RAPGEF6: variants seen among roughly 807,000 people sequenced by gnomAD.
The protein encoded by RAPGEF6 is Rap guanine nucleotide exchange factor 6.
A neutral mutation model predicts 171.4 loss-of-function variants in RAPGEF6; 56 were observed. The observed-to-expected ratio is 0.33, with a 90% CI of 0.26 to 0.41. The LOEUF (loss-of-function observed/expected upper bound fraction) is 0.41, where lower values mean the gene tolerates loss of function less well. Ranked by LOEUF, RAPGEF6 falls within the 10% of genes least tolerant of loss-of-function variation. The pLI is 1.00. For synonymous variants in RAPGEF6, 692 were observed against 650.1 expected (o/e 1.06, Z -0.98); for missense variants, 1,674 against 1,921.4 (o/e 0.87, Z 2.41).
rs2149909014 is a variant in RAPGEF6, at chr5:131,521,463, T to C, written c.554A>G (p.His185Arg). 6.2e-7 allele frequency: 1 copy of C among 1,612,660 alleles called. No individual in the cohort carries two copies. The highest frequency in any genetic ancestry group is 8.5e-7 in the Non-Finnish European group (1 of 1,179,098). Reference protein sequence around the residue: ...LTENPHPQVTHVSSSQSGCSI... With the variant: ...LTENPHPQVTRVSSSQSGCSI... The stretch of plus-strand genomic sequence containing the variant: ...ACAACCAGACTGACTAGAAGACACA[T>C]GAGTCACCTGTGGATGAGGGTTTTC... The change falls in exon 7 of 28, where the codon CAT becomes CGT. Residue 185 changes from histidine to arginine, a missense_variant. This residue lies in a region of RAPGEF6 where 1,116 missense variants were observed against 1,321.5 expected (regional missense o/e 0.84). Coordinates refer to ENST00000509018, the MANE Select transcript of RAPGEF6 (RefSeq NM_016340.6).
chr5:131,617,523 G>C (rs1441752084), intron 1 of RAPGEF6, among the ~76,000 whole-genome samples: 18 of 152,274 alleles, frequency 1.2e-4, no homozygotes, highest in Non-Finnish European at 2.9e-5. Flanking sequence ...TACGATCTCA[G>C]CCCACTGCAA....
intron 12 of RAPGEF6, among the ~76,000 whole-genome samples, chr5:131,498,075 A>G (rs948904652): frequency 1.3e-5 from 2 of 152,238 alleles, no homozygotes; most frequent in Non-Finnish European, 2.9e-5. Flanking sequence ...CCTCTTAAAA[A>G]AATGTATTTG....
intron 6 of RAPGEF6, among the ~76,000 whole-genome samples, chr5:131,523,852 A>C (rs1261793902): frequency 6.6e-6 from 1 of 152,160 alleles, no homozygotes; most frequent in Non-Finnish European, 1.5e-5. Flanking sequence ...ATACCTATGC[A>C]CACCAGGGTA....
intron 1 of RAPGEF6, among the ~76,000 whole-genome samples, chr5:131,632,787 T>C (rs1766394138): frequency 6.6e-6 from 1 of 152,226 alleles, no homozygotes; most frequent in Non-Finnish European, 1.5e-5. Flanking sequence ...AAATCATCAC[T>C]AGGATTCAGA....
Position 131,442,339 on chromosome 5 carries a change from G to A in RAPGEF6, c.3610+10C>T. 1 of 1,602,774 alleles carries A rather than the reference G, an allele frequency of 6.2e-7. No homozygotes were observed. Among genetic ancestry groups the A allele is most frequent in the Non-Finnish European group, 8.5e-7 (1 of 1,174,062 alleles). ...GGTAAACGGATGTAATATTAATGGT[G>A]AATACTCACTCAGTGCAGGGTCTTT... On this transcript the variant is annotated intron_variant, in intron 23 of 27. Transcript: ENST00000509018.
intron 25 of RAPGEF6, among the ~76,000 whole-genome samples, chr5:131,432,627 A>C (rs555488911): frequency 1.9e-4 from 28 of 150,868 alleles, no homozygotes; most frequent in Middle Eastern, 3.4e-3. Context: ...TCACAGAGCG[A>C]GACTCCGCCT....
chr5:131,510,955 A>C (rs1406752445), intron 7 of RAPGEF6, among the ~76,000 whole-genome samples: 1 of 152,178 alleles, frequency 6.6e-6, no homozygotes, highest in East Asian at 1.9e-4. Context: ...TAATCATATA[A>C]ATTAAGAACA....
At chr5:131,479,922 CTTCT>C (rs1755356468) in intron 15 of RAPGEF6, among the ~76,000 whole-genome samples, 169 bp from the exon 16 acceptor site, 1 of 152,080 alleles carries the variant, frequency 6.6e-6, no homozygotes, top group South Asian at 2.1e-4. Context: ...GCTATATCTT[CTTCT>C]TTCTTTAGTT....
At chr5:131,457,441 G>C (rs1054266427) in intron 19 of RAPGEF6, among the ~76,000 whole-genome samples, 1 of 152,140 alleles carries the variant, frequency 6.6e-6, no homozygotes, top group Admixed American at 6.5e-5. Flanking sequence ...AGGAGAGAAG[G>C]GAGACACTCT....
In RAPGEF6 at chr5:131,510,377, C is replaced by T. The variant is rs1395824800; in HGVS notation, c.742G>A (p.Gly248Arg). ...EEIDRTDPLQ[G>R]RDLVRECLEK... Reference sequence around the variant, plus strand: ...AGACATTCTCGAACAAGATCTCGCCCCTGCAATGGATCTGTTCGATCAATC... The same window carrying T: ...AGACATTCTCGAACAAGATCTCGCCTCTGCAATGGATCTGTTCGATCAATC... The change falls in exon 8 of 28, where the codon GGG becomes AGG. Residue 248 changes from glycine (G) to arginine (R), a missense_variant. Physicochemically the swap from Gly to Arg is moderately radical, Grantham distance 125 (BLOSUM62 -2). Coordinates refer to ENST00000509018, the MANE Select transcript of RAPGEF6 (RefSeq NM_016340.6). 1.9e-6 allele frequency: 3 copies of T among 1,613,948 alleles called. No homozygotes were observed. Among genetic ancestry groups the T allele is most frequent in the Non-Finnish European group, 2.5e-6 (3 of 1,180,026 alleles).
chr5:131,498,486 A>C lies in RAPGEF6; in HGVS notation c.1376T>G (p.Ile459Ser). 6.2e-7 allele frequency: 1 copy of C among 1,613,782 alleles called. No homozygotes were observed. The highest frequency in any genetic ancestry group is 8.5e-7 in the Non-Finnish European group (1 of 1,179,906). Reference protein sequence around the residue: ...TFLESPLDVGIKLLEWFKIDS... With the variant: ...TFLESPLDVGSKLLEWFKIDS... The stretch of plus-strand genomic sequence containing the variant: ...GATCTTAAACCATTCCAATAGTTTG[A>C]TCCCAACATCCAAAGGACTTTCAAG... Residue 459 changes from isoleucine to serine, a missense_variant, in exon 12 of 28, where the codon ATC (isoleucine) becomes AGC (serine). Physicochemically the swap from Ile to Ser is moderately radical, Grantham distance 142. Coordinates refer to ENST00000509018, the MANE Select transcript of RAPGEF6 (RefSeq NM_016340.6).
intron 4 of RAPGEF6, among the ~76,000 whole-genome samples, chr5:131,572,438 T>C (rs1762361093): frequency 1.3e-5 from 2 of 152,194 alleles, no homozygotes; most frequent in African/African-American, 4.8e-5. Context: ...AGACACACTT[T>C]ATCTGAGCAT....
At chr5:131,431,380 G>C (rs1461311060) in intron 25 of RAPGEF6, 31 bp from the exon 26 acceptor site, 1 of 1,547,088 alleles carries the variant, frequency 6.5e-7, no homozygotes, top group Non-Finnish European at 8.7e-7. Context: ...CAATTAGAAG[G>C]CTTGCCAGAA....
intron 1 of RAPGEF6, among the ~76,000 whole-genome samples, chr5:131,631,145 A>G (rs1177297883): frequency 6.6e-6 from 1 of 152,166 alleles, no homozygotes; most frequent in Non-Finnish European, 1.5e-5. Flanking sequence ...TGGTAATTTT[A>G]CCCAGTCTCA....
intron 7 of RAPGEF6, among the ~76,000 whole-genome samples, chr5:131,518,536 T>A (rs1332619257): frequency 6.6e-6 from 1 of 152,024 alleles, no homozygotes; most frequent in East Asian, 1.9e-4. Flanking sequence ...TAGCTGGGAT[T>A]ACAGGCATGC....
intron 1 of RAPGEF6, among the ~76,000 whole-genome samples, chr5:131,625,718 A>G (rs1314535589): frequency 6.6e-6 from 1 of 151,866 alleles, no homozygotes; most frequent in Non-Finnish European, 1.5e-5. Flanking sequence ...CGGGAGGCTG[A>G]GACAAGAGAA....
At chr5:131,439,396 T>A (rs953210451) in intron 24 of RAPGEF6, among the ~76,000 whole-genome samples, 185 bp downstream of exon 24, 1 of 152,208 alleles carries the variant, frequency 6.6e-6, no homozygotes, top group Non-Finnish European at 1.5e-5. Flanking sequence ...GGAGTCCTAG[T>A]TACATGACAC....
chr5:131,579,583 T>A (rs1338300333), intron 4 of RAPGEF6, among the ~76,000 whole-genome samples: 2 of 151,940 alleles, frequency 1.3e-5, no homozygotes, highest in African/African-American at 4.8e-5. Flanking sequence ...GTTCTCCAAG[T>A]CCCCACTACA....
chr5:131,616,498 C>T (rs1765272526), intron 1 of RAPGEF6, among the ~76,000 whole-genome samples: 1 of 152,176 alleles, frequency 6.6e-6, no homozygotes, highest in Non-Finnish European at 1.5e-5. Context: ...CCTCACTGTC[C>T]TTCTACAGGT....
Sources: allele counts gnomAD v4.1 joint callset (sites outside exome capture counted in the v4.1 genomes callset), GRCh38; gene constraint gnomAD v4.1.1; regional missense constraint gnomAD v4.1.1; transcripts MANE v1.5; gene names NCBI Gene and HGNC (gene_info 2026-07-23, HGNC 2026-07-21).